FSTL4: variants seen among roughly 807,000 people sequenced by gnomAD.
FSTL4 encodes the protein follistatin like 4, also known as follistatin-related protein 4.
Under a neutral mutation model 78.2 loss-of-function variants are expected in FSTL4, and 28 were observed. The observed-to-expected ratio is 0.36, with a 90% CI of 0.27 to 0.49. The LOEUF (loss-of-function observed/expected upper bound fraction) is 0.49. Ranked by LOEUF, FSTL4 falls within the 20% of genes least tolerant of loss-of-function variation. FSTL4 has a pLI of 0.98. For synonymous variants in FSTL4, 422 were observed against 440.5 expected (o/e 0.96, Z 0.53); for missense variants, 922 against 1,084.9 (o/e 0.85, Z 2.11).
chr5:133,808,905 G>A, the FSTL4 span, among the ~76,000 whole-genome samples: 78 of 129,870 alleles, frequency 6.0e-4, no homozygotes, highest in African/African-American at 2.2e-3. Flanking sequence ...ACTGAACCTG[G>A]AAAATAGAAT....
At chr5:133,717,564 G>A in the FSTL4 span, among the ~76,000 whole-genome samples, 1 of 152,186 alleles carries the variant, frequency 6.6e-6, no homozygotes, top group Non-Finnish European at 1.5e-5. Flanking sequence ...ACGTTCCTTA[G>A]TGCCCCATCC....
the FSTL4 span, among the ~76,000 whole-genome samples, chr5:133,705,051 T>C: frequency 6.6e-6 from 1 of 152,164 alleles, no homozygotes; most frequent in Admixed American, 6.5e-5. Flanking sequence ...GTTAGTGGAA[T>C]ATATGTTTTT....
intron 4 of FSTL4, chr5:133,388,592 T>A (rs1755762970): frequency 6.6e-6 from 1 of 151,852 alleles, no homozygotes; most frequent in Non-Finnish European, 1.5e-5. Flanking sequence ...AGGACTTTTT[T>A]TTTTTTTGTC....
intron 6 of FSTL4, among the ~76,000 whole-genome samples, chr5:133,304,544 C>A (rs1055093568): frequency 3.9e-5 from 6 of 152,206 alleles, no homozygotes; most frequent in Admixed American, 6.5e-5. Context: ...TTTTCAATAA[C>A]AACCTGTAAT....
At chr5:133,637,734 A>G in the FSTL4 span, among the ~76,000 whole-genome samples, 1 of 151,738 alleles carries the variant, frequency 6.6e-6, no homozygotes, top group Non-Finnish European at 1.5e-5. Flanking sequence ...CTTCCTCTTC[A>G]TGGGTTTTGT....
At chr5:133,459,542 G>A (rs575850946) in intron 3 of FSTL4, among the ~76,000 whole-genome samples, 28 of 152,252 alleles carry the variant, frequency 1.8e-4, no homozygotes, top group South Asian at 4.2e-4. Flanking sequence ...CTACCTTAGA[G>A]TTGAGTAAAT....
chr5:133,419,889 A>C (rs1468365512), intron 3 of FSTL4, among the ~76,000 whole-genome samples: 2 of 152,200 alleles, frequency 1.3e-5, no homozygotes, highest in African/African-American at 4.8e-5. Context: ...TTATGTGCTT[A>C]TTTGCCACTC....
the FSTL4 span, among the ~76,000 whole-genome samples, chr5:133,705,493 G>A: frequency 1.3e-5 from 2 of 152,192 alleles, no homozygotes; most frequent in African/African-American, 4.8e-5. Context: ...CCAGGCCTCT[G>A]TGCAGGTTCC....
At chr5:133,486,185 T>A (rs1294621861) in intron 3 of FSTL4, among the ~76,000 whole-genome samples, 1 of 149,862 alleles carries the variant, frequency 6.7e-6, no homozygotes, top group Non-Finnish European at 1.5e-5. Flanking sequence ...GAGAGAGAGA[T>A]CGGGAGCAAG....
chr5:133,725,939 G>A, the FSTL4 span, among the ~76,000 whole-genome samples: 3 of 152,154 alleles, frequency 2.0e-5, no homozygotes, highest in Non-Finnish European at 2.9e-5. Flanking sequence ...GTTAAAGCGT[G>A]AAACAACAGT....
chr5:133,281,316 C>T (rs1015398910), intron 6 of FSTL4, among the ~76,000 whole-genome samples: 1 of 152,126 alleles, frequency 6.6e-6, no homozygotes, highest in Non-Finnish European at 1.5e-5. Context: ...AAACCCTTTT[C>T]CTAGGAAAAT....
At chr5:133,349,205 GT>G (rs1754763982) in intron 4 of FSTL4, among the ~76,000 whole-genome samples, 1 of 152,196 alleles carries the variant, frequency 6.6e-6, no homozygotes, top group Non-Finnish European at 1.5e-5. Context: ...GAGATGAGCA[GT>G]GGGTAGTCCT....
chr5:133,292,429 A>G (rs1413678214), intron 6 of FSTL4, among the ~76,000 whole-genome samples: 1 of 151,728 alleles, frequency 6.6e-6, no homozygotes, highest in Non-Finnish European at 1.5e-5. Flanking sequence ...CCCTGCCCCT[A>G]CCTCGCACAG....
chr5:133,744,657 C>A, the FSTL4 span, among the ~76,000 whole-genome samples: 1 of 152,336 alleles, frequency 6.6e-6, no homozygotes, highest in East Asian at 1.9e-4. Context: ...AAAGCCATAT[C>A]ATCAGCTTTA....
chr5:133,723,622 A>T, the FSTL4 span, among the ~76,000 whole-genome samples: 62,221 of 152,168 alleles, frequency 0.41, 16,025 homozygotes, highest in African/African-American at 0.73. Context: ...ATGGGGCTGC[A>T]AGTCCAATTC....
At chr5:133,821,112 G>A in the FSTL4 span, among the ~76,000 whole-genome samples, 1 of 152,224 alleles carries the variant, frequency 6.6e-6, no homozygotes, top group South Asian at 2.1e-4. Flanking sequence ...AGTCCACAAG[G>A]AGGTAAGGAA....
Position 133,214,374 on chromosome 5 carries a change from C to G in FSTL4, c.1608+2855G>C, listed in dbSNP as rs554073002. ...AACAAAGAGGCAGTTGGAACATGTC[C>G]CATTGTATTTGCCAAGAGAAACACG... On this transcript the variant is annotated intron_variant, in intron 13 of 15. Coordinates refer to ENST00000265342, the MANE Select transcript of FSTL4 (RefSeq NM_015082.2). Among the ~76,000 whole-genome samples the G allele has an allele frequency of 2.8e-4, 43 of 152,278 alleles. 1 individual carries two copies. In the South Asian group the frequency reaches 7.9e-3, roughly 28 times the overall value.
At chr5:133,468,902 G>C (rs976203328) in intron 3 of FSTL4, among the ~76,000 whole-genome samples, 1 of 152,172 alleles carries the variant, frequency 6.6e-6, no homozygotes, top group African/African-American at 2.4e-5. Context: ...GAGGGTGGAG[G>C]GGGTGAGAGA....
the FSTL4 span, among the ~76,000 whole-genome samples, chr5:133,779,543 G>A: frequency 3.9e-5 from 6 of 151,936 alleles, no homozygotes; most frequent in Non-Finnish European, 8.8e-5. Flanking sequence ...CCGAGATCTC[G>A]CCACTGCATT....
Sources: gnomAD v4.1 joint callset for allele counts (sites outside exome capture counted in the v4.1 genomes callset) on GRCh38, gnomAD v4.1.1 for gene constraint, MANE v1.5 for transcripts, NCBI Gene and HGNC (gene_info 2026-07-23, HGNC 2026-07-21) for gene names.